Variants in IL2RA observed in about 807,000 individuals in gnomAD.
IL2RA encodes interleukin-2 receptor subunit alpha.
In IL2RA, 24 loss-of-function variants were observed where a neutral mutation model predicts 37.8. The observed-to-expected ratio is 0.63, with a 90% CI of 0.46 to 0.89. IL2RA has a LOEUF of 0.89. Among genes scored for constraint, IL2RA ranks in the 40% least tolerant of loss-of-function variants. The pLI, the probability that IL2RA is intolerant of heterozygous loss-of-function variation, is 0.00. For missense variants in IL2RA, 319 were observed against 348.6 expected, an observed-to-expected ratio of 0.92 and a Z score of 0.68; for synonymous variants, 125 against 114.6, an observed-to-expected ratio of 1.09 and a Z score of -0.58.
At chr10:6,059,181 G>A (rs2132907534) in intron 1 of IL2RA, among the ~76,000 whole-genome samples, 1 of 152,304 alleles carries the variant, frequency 6.6e-6, no homozygotes, top group East Asian at 1.9e-4. Context: ...GTCCTCATTT[G>A]CCTTGTGATT....
chr10:6,052,640 CG>C (rs1238493565), intron 1 of IL2RA, among the ~76,000 whole-genome samples: 65 of 132,948 alleles, frequency 4.9e-4, no homozygotes, highest in African/African-American at 1.7e-3. Flanking sequence ...GGAGAAAACG[CG>C]CCCCCCCTCA....
At position 6,022,622 on chromosome 10, in the gene IL2RA, G is replaced by A. The variant is rs1000351622; in HGVS notation, c.368-929C>T. 9.9e-5 allele frequency among the ~76,000 whole-genome samples: 15 copies of A among 151,798 alleles called. No individual in the cohort carries two copies. The East Asian group carries it at 1.9e-3, about 20-fold the overall frequency. On this transcript the variant is annotated intron_variant, in intron 3 of 7. Transcript: ENST00000379959. This position sits in a 1 kb window ranked among gnomAD's most constrained non-coding sequence, Gnocchi z 4.7. Reference sequence around the variant, plus strand: ...AGGAAGCTGGGTGGCCCTGTCCCAGGCTGGCTCCTGCCATGTGGCACCTTG... The same window carrying A: ...AGGAAGCTGGGTGGCCCTGTCCCAGACTGGCTCCTGCCATGTGGCACCTTG...
chr10:6,042,693 C>A (rs753056224), intron 1 of IL2RA, among the ~76,000 whole-genome samples: 2 of 151,984 alleles, frequency 1.3e-5, no homozygotes, highest in Non-Finnish European at 2.9e-5. Context: ...AGGCCAACAA[C>A]CCAATAAAAA....
intron 1 of IL2RA, among the ~76,000 whole-genome samples, chr10:6,027,751 T>C (rs1449129014): frequency 6.6e-6 from 1 of 152,226 alleles, no homozygotes; most frequent in African/African-American, 2.4e-5. Context: ...GTAATTCAGA[T>C]AGAGACTGGA....
At chr10:6,013,912 A>G (rs1165554652) in intron 7 of IL2RA, among the ~76,000 whole-genome samples, 1 of 151,154 alleles carries the variant, frequency 6.6e-6, no homozygotes, top group Admixed American at 6.6e-5. Flanking sequence ...GCTCACTGCA[A>G]TCTTGAACTG....
chr10:6,010,718 AAAC>A lies in IL2RA; in HGVS notation c.*2151_*2153del, dbSNP rs1418451254. 6.6e-6 allele frequency: 1 copy of A among 152,208 alleles called. No homozygotes were observed. The highest frequency in any genetic ancestry group is 1.5e-5 in the Non-Finnish European group (1 of 68,038). The allele number at this position is 152,208 out of a possible 1,614,324, so 9.4% of individuals were successfully genotyped here. On this transcript the variant is annotated 3_prime_UTR_variant, in exon 8 of 8. Coordinates refer to ENST00000379959, the MANE Select transcript of IL2RA (RefSeq NM_000417.3). Reference sequence around the variant, plus strand: ...TAAAAAATATCATTTATTCTTTTATAAACAATAGCAATAAATTTATTATATGTT... The same window carrying A: ...TAAAAAATATCATTTATTCTTTTATAAATAGCAATAAATTTATTATATGTT...
intron 1 of IL2RA, among the ~76,000 whole-genome samples, chr10:6,052,652 C>T (rs1035276686): frequency 3.3e-5 from 5 of 152,248 alleles, no homozygotes; most frequent in African/African-American, 7.2e-5. Context: ...CCCCCCCTCA[C>T]GCCTCAGAGG....
chr10:6,014,548 C>G lies in IL2RA; in HGVS notation c.795-1652G>C, dbSNP rs988906704. Among the ~76,000 whole-genome samples, 1 of 152,110 alleles carries G rather than the reference C, an allele frequency of 6.6e-6. No homozygotes were observed. The highest frequency in any genetic ancestry group is 1.5e-5 in the Non-Finnish European group (1 of 68,024). ...TCCAAATAGCTTTGTCCTCTGGGCCCGAAGGCTTTTGATCTTCAAACTAAC... is the reference window on the plus strand; with the variant it reads ...TCCAAATAGCTTTGTCCTCTGGGCCGGAAGGCTTTTGATCTTCAAACTAAC... On this transcript the variant is annotated intron_variant, in intron 7 of 7. Transcript: ENST00000379959. This position sits in a 1 kb window ranked among gnomAD's most constrained non-coding sequence, Gnocchi z 4.4.
chr10:6,016,247 T>C (rs1009108062), intron 7 of IL2RA, among the ~76,000 whole-genome samples: 2 of 152,204 alleles, frequency 1.3e-5, no homozygotes, highest in African/African-American at 4.8e-5. Context: ...CTCTTGCCCT[T>C]CTGCCTTCTG....
In IL2RA at chr10:6,022,804, C is replaced by T. The variant is rs1839409559; in HGVS notation, c.368-1111G>A. Among the ~76,000 whole-genome samples, 1 of 102,764 alleles carries T rather than the reference C, an allele frequency of 9.7e-6. No homozygotes were observed. 67.4% of individuals were successfully genotyped at this position (102,764 alleles called of 152,430 possible). On this transcript the variant is annotated intron_variant, in intron 3 of 7. Coordinates refer to ENST00000379959, the MANE Select transcript of IL2RA (RefSeq NM_000417.3). The surrounding 1 kb of genome is among the most constrained non-coding windows in gnomAD (Gnocchi z 4.7). The stretch of plus-strand genomic sequence containing the variant: ...TCTTTGAAACATCCCTCAGGCAGAG[C>T]CAGCCTTCGAGAAAGGACAACAAGC...
chr10:6,045,834 T>C (rs759046523), intron 1 of IL2RA, among the ~76,000 whole-genome samples: 1 of 151,942 alleles, frequency 6.6e-6, no homozygotes, highest in African/African-American at 2.4e-5. Context: ...AAACACAGAA[T>C]AAGTAAGTAT....
chr10:6,050,439 C>T lies in IL2RA; in HGVS notation c.64+11649G>A, dbSNP rs543671680. Among the ~76,000 whole-genome samples the T allele has an allele frequency of 4.8e-4, 73 of 152,236 alleles. No individual in the cohort carries two copies. The South Asian group carries it at 0.015, about 31-fold the overall frequency. ...ATCAATTGAGGTCAGGAGTTTGAGA[C>T]CAGCCTGGCCAACATGGTCTCTACT... On this transcript the variant is annotated intron_variant, in intron 1 of 7. Transcript: ENST00000379959.
chr10:6,059,722 C>G (rs1480598850), intron 1 of IL2RA, among the ~76,000 whole-genome samples: 1 of 152,146 alleles, frequency 6.6e-6, no homozygotes, highest in Non-Finnish European at 1.5e-5. Context: ...TGTTTTGGCT[C>G]ATTGGGGTCT....
At position 6,012,758 on chromosome 10, in the gene IL2RA, G is replaced by A; in HGVS notation, c.*114C>T. ...TTCAGAGCTTCCAAAACGCAGGCAA[G>A]CACAACGGATGTCTCCTGGGCGACC... On this transcript the variant is annotated 3_prime_UTR_variant, in exon 8 of 8. Transcript: ENST00000379959. The surrounding 1 kb of genome is among the most constrained non-coding windows in gnomAD (Gnocchi z 4.8). The A allele has an allele frequency of 8.9e-7, 1 of 1,118,764 alleles. No individual in the cohort carries two copies. The highest frequency in any genetic ancestry group is 1.2e-5 in the South Asian group (1 of 80,678). 69.3% of individuals were successfully genotyped at this position (1,118,764 alleles called of 1,614,324 possible).
chr10:6,013,405 G>C (rs189511405), intron 7 of IL2RA, among the ~76,000 whole-genome samples: 7 of 152,146 alleles, frequency 4.6e-5, no homozygotes, highest in African/African-American at 7.2e-5. Context: ...TCCACAGGTG[G>C]CTAGTGGCTA....
chr10:6,045,470 C>A (rs377230123), intron 1 of IL2RA, among the ~76,000 whole-genome samples: 1 of 152,028 alleles, frequency 6.6e-6, no homozygotes, highest in African/African-American at 2.4e-5. Context: ...AAATGTTGGG[C>A]GCTGGTTATG....
chr10:6,053,948 G>A (rs945653485), intron 1 of IL2RA, among the ~76,000 whole-genome samples: 5 of 152,242 alleles, frequency 3.3e-5, no homozygotes, highest in Non-Finnish European at 5.9e-5. Flanking sequence ...ATGGGCCAGC[G>A]AGCTCATCCG....
rs901958320 is a variant in IL2RA at position 6,013,989 on chromosome 10, G to A, written c.795-1093C>T. Among the ~76,000 whole-genome samples, 7 of 151,892 alleles carry A rather than the reference G, an allele frequency of 4.6e-5. No individual in the cohort carries two copies. In the East Asian group the frequency reaches 7.8e-4, roughly 17 times the overall value. On this transcript the variant is annotated intron_variant, in intron 7 of 7. Coordinates refer to ENST00000379959, the MANE Select transcript of IL2RA (RefSeq NM_000417.3). ...TGGGACTACAGGTATGTGCCACCTC[G>A]CCTAGCTAAGTTTAAAATGTTTTTG...
chr10:6,050,813 C>T (rs972175731), intron 1 of IL2RA, among the ~76,000 whole-genome samples: 1 of 152,184 alleles, frequency 6.6e-6, no homozygotes, highest in African/African-American at 2.4e-5. Context: ...AGGATGGGTG[C>T]CCTGGCTACA....
Sources: gnomAD v4.1 joint callset for allele counts (sites outside exome capture counted in the v4.1 genomes callset) on GRCh38, gnomAD v4.1.1 for gene constraint, Gnocchi (gnomAD v3.1) non-coding constraint, MANE v1.5 for transcripts, NCBI Gene and HGNC (gene_info 2026-07-23, HGNC 2026-07-21) for gene names.